Variants in UPRT observed in about 807,000 individuals in gnomAD.
UPRT encodes the protein uracil phosphoribosyltransferase homolog, also known as RP11-311P8.3.
Under a neutral mutation model 22.6 loss-of-function variants are expected in UPRT, and 5 were observed. The observed-to-expected ratio is 0.22, with a 90% CI of 0.12 to 0.47. The LOEUF is 0.47. Among genes scored for constraint, UPRT ranks in the 20% least tolerant of loss-of-function variants. The pLI, the probability that UPRT is intolerant of heterozygous loss-of-function variation, is 0.99. For synonymous variants in UPRT, 77 were observed against 87.7 expected, an observed-to-expected ratio of 0.88 and a Z score of 0.68; for missense variants, 181 against 239.9, an observed-to-expected ratio of 0.75 and a Z score of 1.62.
chrX:75,236,527 C>G (rs1359930928), intron 4 of UPRT, among the ~76,000 whole-genome samples: 4 of 111,705 alleles, frequency 3.6e-5, no homozygotes, highest in Admixed American at 9.5e-5. Context: ...CTGGAGGTAT[C>G]GCACTACCTG....
chrX:75,173,917 T>TA (rs2082238737), intron 4 of UPRT, among the ~76,000 whole-genome samples: 1 of 111,838 alleles, frequency 8.9e-6, no homozygotes, highest in Non-Finnish European at 1.9e-5. Context: ...AGCCCACGCC[T>TA]ACCCGGAACT....
chrX:75,161,189 C>T (rs759810036), intron 2 of UPRT, among the ~76,000 whole-genome samples: 6 of 112,030 alleles, frequency 5.4e-5, no homozygotes, highest in East Asian at 2.8e-4. Context: ...GTTGTATCAT[C>T]GAATTTAATC....
chrX:75,304,841 T>C lies in UPRT; in HGVS notation c.*1330T>C, dbSNP rs1443974953. ...TATTTTTCCCTTTATTTTTGAATAC[T>C]GTCATATAATAAATTGAGATTAATA... On this transcript the variant is annotated 3_prime_UTR_variant, in exon 7 of 7. Coordinates refer to ENST00000373383, the MANE Select transcript of UPRT (RefSeq NM_145052.4). 8.9e-6 allele frequency among the ~76,000 whole-genome samples: 1 copy of C among 112,164 alleles called. No homozygotes were observed. The highest frequency in any genetic ancestry group is 2.8e-4 in the East Asian group (1 of 3,577).
At chrX:75,222,783 C>T (rs1262058138) in intron 4 of UPRT, among the ~76,000 whole-genome samples, 1 of 110,690 alleles carries the variant, frequency 9.0e-6, no homozygotes, top group Non-Finnish European at 1.9e-5. Context: ...ATCTAAGAGC[C>T]AAGGCCTGGA....
intron 4 of UPRT, among the ~76,000 whole-genome samples, chrX:75,210,946 G>A (rs2082378763): frequency 9.0e-6 from 1 of 111,420 alleles, no homozygotes; most frequent in South Asian, 3.9e-4. Flanking sequence ...CTAGGGCTAG[G>A]CAATATAAGA....
intron 4 of UPRT, among the ~76,000 whole-genome samples, chrX:75,251,975 T>G (rs1364962409): frequency 1.8e-5 from 2 of 111,953 alleles, no homozygotes; most frequent in Admixed American, 9.5e-5. Flanking sequence ...GATTCCCTAT[T>G]TAATAAATGG....
intron 2 of UPRT, 139 bp from the exon 3 acceptor site, chrX:75,296,203 A>C: frequency 8.6e-6 from 4 of 466,386 alleles, no homozygotes; most frequent in Non-Finnish European, 1.5e-5. Flanking sequence ...AACACATGAT[A>C]GGGGGCCCCT....
chrX:75,192,327 T>C (rs1398926108), intron 4 of UPRT, among the ~76,000 whole-genome samples: 1 of 83,603 alleles, frequency 1.2e-5, no homozygotes, highest in African/African-American at 3.5e-5. Context: ...AAGAGTGTGA[T>C]TGACATGATT....
intron 4 of UPRT, among the ~76,000 whole-genome samples, chrX:75,264,998 A>T (rs1268170409): frequency 1.8e-5 from 2 of 111,841 alleles, no homozygotes. Flanking sequence ...AAGAATGTTG[A>T]ATATCGGCCC....
intron 4 of UPRT, among the ~76,000 whole-genome samples, chrX:75,215,546 T>C (rs1602456735): frequency 9.0e-6 from 1 of 111,669 alleles, no homozygotes; most frequent in African/African-American, 3.3e-5. Context: ...TCACTAAAGA[T>C]CCTATGGACA....
chrX:75,263,222 T>C (rs756861485), intron 4 of UPRT, among the ~76,000 whole-genome samples: 4 of 111,979 alleles, frequency 3.6e-5, no homozygotes, highest in Admixed American at 2.9e-4. Context: ...ATCACGATGA[T>C]GCTGGCCTCA....
intron 4 of UPRT, among the ~76,000 whole-genome samples, chrX:75,259,755 G>C (rs977896822): frequency 1.8e-5 from 2 of 110,710 alleles, no homozygotes; most frequent in African/African-American, 6.6e-5. Context: ...GAAGTACGGA[G>C]AACACCACAA....
intron 4 of UPRT, among the ~76,000 whole-genome samples, chrX:75,184,571 G>A (rs1305926306): frequency 9.2e-6 from 1 of 108,190 alleles, no homozygotes; most frequent in Non-Finnish European, 1.9e-5. Flanking sequence ...GAAAGGCATT[G>A]GTAGCTTGAT....
intron 4 of UPRT, among the ~76,000 whole-genome samples, chrX:75,223,924 AC>A (rs2082416940): frequency 9.0e-6 from 1 of 110,688 alleles, no homozygotes; most frequent in Non-Finnish European, 1.9e-5. Context: ...ATCTTGCTTT[AC>A]CTCCTATTTT....
chrX:75,245,947 G>C (rs2082504262), intron 4 of UPRT, among the ~76,000 whole-genome samples: 2 of 111,071 alleles, frequency 1.8e-5, no homozygotes, highest in African/African-American at 3.3e-5. Context: ...CAAAATAATA[G>C]TTAAAAACAA....
At chrX:75,175,403 G>C (rs773214801) in intron 4 of UPRT, among the ~76,000 whole-genome samples, 1 of 112,436 alleles carries the variant, frequency 8.9e-6, no homozygotes, top group South Asian at 3.7e-4. Flanking sequence ...AGAAATACCT[G>C]ATTACAGGCT....
intron 4 of UPRT, among the ~76,000 whole-genome samples, chrX:75,237,191 T>C (rs2082469338): frequency 8.9e-6 from 1 of 111,908 alleles, no homozygotes; most frequent in African/African-American, 3.3e-5. Context: ...AAAAGACACA[T>C]GAAAAAATGC....
intron 4 of UPRT, among the ~76,000 whole-genome samples, chrX:75,170,284 G>A (rs1014295848): frequency 7.2e-5 from 8 of 111,310 alleles, no homozygotes; most frequent in Non-Finnish European, 1.3e-4. Context: ...TGATCCACCC[G>A]CCTTGGCCTC....
intron 4 of UPRT, among the ~76,000 whole-genome samples, chrX:75,210,622 G>C (rs780278054): frequency 9.7e-6 from 1 of 103,518 alleles, no homozygotes; most frequent in African/African-American, 3.6e-5. Flanking sequence ...AAAGTAAGGG[G>C]GTGGAGGAGC....
Sources: gnomAD v4.1 joint callset for allele counts (sites outside exome capture counted in the v4.1 genomes callset) on GRCh38, gnomAD v4.1.1 for gene constraint, MANE v1.5 for transcripts, NCBI Gene and HGNC (gene_info 2026-07-23, HGNC 2026-07-21) for gene names.